The following ZNF605 variants were observed in gnomAD, a reference collection of about 807,000 sequenced individuals.
The protein encoded by ZNF605 is zinc finger protein 605.
ZNF605 carries 9 observed loss-of-function variants against 7.9 expected under a neutral mutation model. The observed-to-expected ratio is 1.14, with a 90% CI of 0.68 to 1.98. ZNF605 has a LOEUF of 1.98. Among genes scored for constraint, ZNF605 ranks in the 30% most tolerant of loss-of-function variants. The pLI is 0.00. For missense variants in ZNF605, 673 were observed against 762.4 expected, an observed-to-expected ratio of 0.88 and a Z score of 1.38; for synonymous variants, 255 against 260.1, an observed-to-expected ratio of 0.98 and a Z score of 0.19.
chr12:132,950,571 C>A (rs1274958305), intron 1 of ZNF605, among the ~76,000 whole-genome samples: 2 of 151,652 alleles, frequency 1.3e-5, no homozygotes, highest in African/African-American at 4.9e-5. Flanking sequence ...ACATCACACA[C>A]AGACGTGCAC....
intron 3 of ZNF605, among the ~76,000 whole-genome samples, chr12:132,938,400 T>C: frequency 6.6e-6 from 1 of 151,688 alleles, no homozygotes; most frequent in Non-Finnish European, 1.5e-5. Flanking sequence ...TCCTGGGTTC[T>C]AGCGATTCTC....
At chr12:132,940,054 C>T (rs3847665) in intron 3 of ZNF605, among the ~76,000 whole-genome samples, 36,424 of 151,858 alleles carry the variant, frequency 0.24, 4,789 homozygotes, top group Middle Eastern at 0.4. Context: ...ACACTCACCG[C>T]GAGGGTCCGC....
intron 4 of ZNF605, 52 bp downstream of exon 4, chr12:132,932,983 C>T: frequency 6.6e-7 from 1 of 1,526,164 alleles, no homozygotes; most frequent in Admixed American, 2.1e-5. Flanking sequence ...TAAACAAACA[C>T]CTCACAGGCC....
chr12:132,951,739 CAT>C (rs139085709), intron 1 of ZNF605, among the ~76,000 whole-genome samples: 24,944 of 151,878 alleles, frequency 0.16, 2,335 homozygotes, highest in South Asian at 0.25. Context: ...ATACATGACA[CAT>C]ACACATGTAC....
intron 1 of ZNF605, among the ~76,000 whole-genome samples, chr12:132,955,006 A>G (rs910764114): frequency 1.4e-4 from 21 of 152,138 alleles, no homozygotes; most frequent in Non-Finnish European, 2.9e-4. Context: ...TATTGGAGAC[A>G]GGGGTTGAAA....
intron 1 of ZNF605, among the ~76,000 whole-genome samples, chr12:132,955,843 C>G (rs1400597034): frequency 2.0e-5 from 3 of 152,058 alleles, no homozygotes; most frequent in Non-Finnish European, 2.9e-5. Context: ...GGGCCCCTCT[C>G]CCCTGGGGCC....
intron 4 of ZNF605, among the ~76,000 whole-genome samples, chr12:132,929,044 C>CAAAACA (rs1555278761): frequency 5.3e-4 from 80 of 151,180 alleles, no homozygotes; most frequent in East Asian, 3.1e-3. Flanking sequence ...CAAAACAAAA[C>CAAAACA]AAAAAAACCC....
intron 4 of ZNF605, among the ~76,000 whole-genome samples, chr12:132,928,205 G>A (rs975881307): frequency 6.6e-6 from 1 of 152,162 alleles, no homozygotes; most frequent in Non-Finnish European, 1.5e-5. Flanking sequence ...TTGTTGAATG[G>A]TATAATAGAA....
intron 1 of ZNF605, among the ~76,000 whole-genome samples, chr12:132,953,767 A>G (rs1296323582): frequency 6.6e-6 from 1 of 152,014 alleles, no homozygotes; most frequent in East Asian, 1.9e-4. Flanking sequence ...CAAATGGCAA[A>G]CAAACTCTTA....
At chr12:132,927,786 A>T (rs1212925959) in intron 4 of ZNF605, among the ~76,000 whole-genome samples, 1 of 151,942 alleles carries the variant, frequency 6.6e-6, no homozygotes, top group East Asian at 1.9e-4. Context: ...CCTCCTGAGT[A>T]GCTGAGACTA....
At chr12:132,938,547 C>T (rs1302852760) in intron 3 of ZNF605, among the ~76,000 whole-genome samples, 4 of 151,996 alleles carry the variant, frequency 2.6e-5, no homozygotes, top group South Asian at 2.1e-4. Flanking sequence ...GTGATTTGCC[C>T]GCCTCAGCCT....
rs1260045014 is a variant in ZNF605, at chr12:132,925,869, T to C, written c.1430A>G (p.Tyr477Cys). Reference sequence around the variant, plus strand: ...GGTTTTCCTGCATTCACTGCATTCATAGGGTTTCTCACCTGTATGTGTTCT... The same window carrying C: ...GGTTTTCCTGCATTCACTGCATTCACAGGGTTTCTCACCTGTATGTGTTCT... ...HQRTHTGEKPYECSECRKTFS... is the reference protein window; with the variant it reads ...HQRTHTGEKPCECSECRKTFS... Residue 477 changes from tyrosine to cysteine, a missense_variant, in exon 5 of 5, where the codon TAT becomes TGT. Transcript: ENST00000360187. The C allele has an allele frequency of 1.2e-6, 2 of 1,614,162 alleles. No individual in the cohort carries two copies. Among genetic ancestry groups the C allele is most frequent in the Admixed American group, 1.7e-5 (1 of 60,014 alleles).
rs73158709 is a variant in ZNF605 at position 132,941,506 on chromosome 12, G to C, written c.15+4115C>G. Among the ~76,000 whole-genome samples, 40,258 of 152,122 alleles carry C rather than the reference G, an allele frequency of 0.26. 5,601 individuals carry two copies. The highest frequency in any genetic ancestry group is 0.36 in the African/African-American group (14,878 of 41,472). ...TTCCCGTTCAGGTTTCCTGAGCGCA[G>C]TGCTTCTGAGAACAGCCCCAGTCCA... On this transcript the variant is annotated intron_variant, in intron 3 of 4. Transcript: ENST00000360187. This position sits in a 1 kb window ranked among gnomAD's most constrained non-coding sequence, Gnocchi z 5.1.
Position 132,925,196 on chromosome 12 carries a change from G to T in ZNF605, c.*177C>A, listed in dbSNP as rs534604758. On this transcript the variant is annotated 3_prime_UTR_variant, in exon 5 of 5. Transcript: ENST00000360187. Reference sequence around the variant, plus strand: ...TCTGGGAGATGACTTTTTTTACACTGTTTGCTTTTTAAAAACTTCTCTTTC... The same window carrying T: ...TCTGGGAGATGACTTTTTTTACACTTTTTGCTTTTTAAAAACTTCTCTTTC... 1 of 532,504 alleles carries T rather than the reference G, an allele frequency of 1.9e-6. No individual in the cohort carries two copies. Among genetic ancestry groups the T allele is most frequent in the Non-Finnish European group, 3.3e-6 (1 of 307,538 alleles). The allele number at this position is 532,504 out of a possible 1,614,324, so 33.0% of individuals were successfully genotyped here.
At chr12:132,927,858 C>T (rs7980766) in intron 4 of ZNF605, among the ~76,000 whole-genome samples, 40,343 of 147,824 alleles carry the variant, frequency 0.27, 6,018 homozygotes, top group East Asian at 0.69. Context: ...GGTTTCACCA[C>T]GTTAGCCAGG....
chr12:132,940,944 C>T (rs1952430404), intron 3 of ZNF605, among the ~76,000 whole-genome samples: 4 of 151,978 alleles, frequency 2.6e-5, no homozygotes, highest in African/African-American at 9.7e-5. Context: ...TCTTCGTGTC[C>T]ACGTGTACCC....
intron 4 of ZNF605, 51 bp downstream of exon 4, chr12:132,932,984 C>T: frequency 6.6e-7 from 1 of 1,526,442 alleles, no homozygotes; most frequent in Non-Finnish European, 8.8e-7. Context: ...AAACAAACAC[C>T]TCACAGGCCA....
At chr12:132,939,090 G>C (rs1566234470) in intron 3 of ZNF605, among the ~76,000 whole-genome samples, 1 of 151,922 alleles carries the variant, frequency 6.6e-6, no homozygotes, top group East Asian at 1.9e-4. Flanking sequence ...ACCACCCCCT[G>C]CTCCACGGCG....
Position 132,953,530 on chromosome 12 carries a change from A to G in ZNF605, c.-286+2713T>C, listed in dbSNP as rs747202314. Among the ~76,000 whole-genome samples, 948 of 152,234 alleles carry G rather than the reference A, an allele frequency of 6.2e-3. 6 individuals are homozygous for G. The highest frequency in any genetic ancestry group is 8.7e-3 in the Non-Finnish European group (589 of 68,012). On this transcript the variant is annotated intron_variant, in intron 1 of 4. Coordinates refer to ENST00000360187, the MANE Select transcript of ZNF605 (RefSeq NM_183238.4). ...CAACCTCTGCCTCCTGGGTTCAAGC[A>G]ATTCTCCTGCCTCAGCCTCCTGAGT...
Sources: allele counts gnomAD v4.1 joint callset (sites outside exome capture counted in the v4.1 genomes callset), GRCh38; gene constraint gnomAD v4.1.1; non-coding constraint Gnocchi (gnomAD v3.1); transcripts MANE v1.5; gene names NCBI Gene and HGNC (gene_info 2026-07-23, HGNC 2026-07-21).